CDH13: variants seen among roughly 807,000 people sequenced by gnomAD.
CDH13 encodes the protein cadherin 13, also known as cadherin-13.
A neutral mutation model predicts 63.8 loss-of-function variants in CDH13; 24 were observed. The ratio of observed to expected loss-of-function variants is 0.38; its 90% CI spans 0.27 to 0.53. CDH13 has a LOEUF of 0.53. Ranked by LOEUF, CDH13 falls within the 20% of genes least tolerant of loss-of-function variation. CDH13 has a pLI of 0.85. For missense variants in CDH13, 1,049 were observed against 903.1 expected, an observed-to-expected ratio of 1.16 and a Z score of -2.07; for synonymous variants, 503 against 355.3, an observed-to-expected ratio of 1.42 and a Z score of -4.67.
intron 8 of CDH13, among the ~76,000 whole-genome samples, chr16:83,628,596 T>C (rs1325928626): frequency 6.6e-6 from 1 of 152,216 alleles, no homozygotes; most frequent in Non-Finnish European, 1.5e-5. Flanking sequence ...ATGCTAAGAC[T>C]AACCACAAGC....
rs191644813 is a variant in CDH13 at position 83,410,923 on chromosome 16, C to G, written c.781+65917C>G. Among the ~76,000 whole-genome samples, 109 of 152,282 alleles carry G rather than the reference C, an allele frequency of 7.2e-4. 1 individual carries two copies. Among genetic ancestry groups the G allele is most frequent in the African/African-American group, 2.4e-3 (98 of 41,556 alleles). ...CAAGACTGAAGCCACCACTTACGAT[C>G]CAATCAACCTTTTTAACTGTCAGTG... On this transcript the variant is annotated intron_variant, in intron 6 of 13. Transcript: ENST00000567109.
At chr16:83,165,532 G>A (rs1381945610) in intron 4 of CDH13, among the ~76,000 whole-genome samples, 1 of 152,106 alleles carries the variant, frequency 6.6e-6, no homozygotes, top group Non-Finnish European at 1.5e-5. Flanking sequence ...CTGTGCTGAG[G>A]AAGGTGGTTG....
At chr16:83,218,874 C>G (rs1315690562) in intron 5 of CDH13, among the ~76,000 whole-genome samples, 1 of 152,076 alleles carries the variant, frequency 6.6e-6, no homozygotes, top group East Asian at 1.9e-4. Flanking sequence ...GTGAATAAGT[C>G]TCATGAGATC....
chr16:82,918,922 T>G (rs1359809068), intron 2 of CDH13, among the ~76,000 whole-genome samples: 1 of 152,214 alleles, frequency 6.6e-6, no homozygotes, highest in Non-Finnish European at 1.5e-5. Flanking sequence ...ACCTGTTTGA[T>G]AAAACTATGC....
intron 7 of CDH13, among the ~76,000 whole-genome samples, chr16:83,588,016 A>T (rs1057206345): frequency 6.6e-6 from 1 of 151,872 alleles, no homozygotes; most frequent in Non-Finnish European, 1.5e-5. Context: ...TCATACCATA[A>T]CATCCCTCCT....
At chr16:83,568,201 A>G (rs76150868) in intron 7 of CDH13, among the ~76,000 whole-genome samples, 1 of 152,036 alleles carries the variant, frequency 6.6e-6, no homozygotes, top group Non-Finnish European at 1.5e-5. Context: ...GAAAAAAAAA[A>G]GCTGATCTGA....
At chr16:83,730,772 G>T (rs1172355902) in intron 10 of CDH13, among the ~76,000 whole-genome samples, 3 of 152,170 alleles carry the variant, frequency 2.0e-5, no homozygotes, top group African/African-American at 7.2e-5. Flanking sequence ...CACCCAGACA[G>T]TGTGCATAGT....
At chr16:83,188,022 C>A (rs769420045) in intron 4 of CDH13, among the ~76,000 whole-genome samples, 37 of 152,118 alleles carry the variant, frequency 2.4e-4, no homozygotes, top group Non-Finnish European at 4.9e-4. Flanking sequence ...TGTAGGAAGG[C>A]TGGTATGGCT....
intron 2 of CDH13, among the ~76,000 whole-genome samples, chr16:82,984,172 A>G (rs17682957): frequency 0.17 from 25,827 of 152,284 alleles, 2,619 homozygotes; most frequent in Non-Finnish European, 0.23. Context: ...TGAAAGGAAG[A>G]GCAAGGAACC....
At chr16:83,760,402 A>G (rs1233546178) in intron 11 of CDH13, among the ~76,000 whole-genome samples, 1 of 152,222 alleles carries the variant, frequency 6.6e-6, no homozygotes, top group African/African-American at 2.4e-5. Flanking sequence ...GTGCCAGAAT[A>G]TCCACTATTC....
chr16:82,910,421 T>A (rs1228187498), intron 2 of CDH13, among the ~76,000 whole-genome samples: 2 of 152,212 alleles, frequency 1.3e-5, no homozygotes. Context: ...CCCTACCTTT[T>A]GTCCCTAGGC....
At chr16:83,298,851 G>A (rs2089664361) in intron 5 of CDH13, among the ~76,000 whole-genome samples, 1 of 152,174 alleles carries the variant, frequency 6.6e-6, no homozygotes, top group Non-Finnish European at 1.5e-5. Context: ...ACAATGTGAT[G>A]TCTTTTCCAA....
At chr16:83,287,900 A>G (rs966015058) in intron 5 of CDH13, among the ~76,000 whole-genome samples, 1 of 152,200 alleles carries the variant, frequency 6.6e-6, no homozygotes, top group Non-Finnish European at 1.5e-5. Context: ...ATAGAAGTCC[A>G]TGAGAAGTAA....
chr16:82,792,381 G>T (rs1463633221), intron 1 of CDH13, among the ~76,000 whole-genome samples: 1 of 152,012 alleles, frequency 6.6e-6, no homozygotes, highest in African/African-American at 2.4e-5. Flanking sequence ...TGTGTGTGTG[G>T]GGCGTCATAT....
At chr16:83,163,447 C>T (rs2037533010) in intron 4 of CDH13, among the ~76,000 whole-genome samples, 1 of 152,062 alleles carries the variant, frequency 6.6e-6, no homozygotes, top group South Asian at 2.1e-4. Flanking sequence ...GCCCGCTAAC[C>T]TCCTCTTGTA....
intron 8 of CDH13, among the ~76,000 whole-genome samples, chr16:83,624,933 G>T (rs1014629485): frequency 6.6e-6 from 1 of 152,214 alleles, no homozygotes; most frequent in African/African-American, 2.4e-5. Flanking sequence ...GTTGCAGCCA[G>T]TCTGCACCAG....
chr16:82,719,444 C>T (rs976263225), intron 1 of CDH13: 7 of 455,744 alleles, frequency 1.5e-5, no homozygotes, highest in African/African-American at 1.4e-4. Context: ...TCAGTTTTCC[C>T]ACTTGCAGAA....
intron 2 of CDH13, among the ~76,000 whole-genome samples, chr16:82,866,494 T>C (rs1303434329): frequency 6.9e-6 from 1 of 145,712 alleles, no homozygotes; most frequent in African/African-American, 2.5e-5. Context: ...GTTCAAGCGA[T>C]TCTCCTGCCT....
intron 4 of CDH13, among the ~76,000 whole-genome samples, chr16:83,175,321 A>G (rs781472688): frequency 1.3e-5 from 2 of 152,146 alleles, no homozygotes; most frequent in Non-Finnish European, 2.9e-5. Context: ...AGTTATCAAT[A>G]GTTTATTAAT....
Sources: gnomAD v4.1 joint callset for allele counts (sites outside exome capture counted in the v4.1 genomes callset) on GRCh38, gnomAD v4.1.1 for gene constraint, MANE v1.5 for transcripts, NCBI Gene and HGNC (gene_info 2026-07-23, HGNC 2026-07-21) for gene names.